Variants in TBC1D2B observed in about 807,000 individuals in gnomAD.
The protein encoded by TBC1D2B is TBC1 domain family, member 2B.
A neutral mutation model predicts 100.8 loss-of-function variants in TBC1D2B; 64 were observed. The observed-to-expected ratio is 0.64, with a 90% confidence interval of 0.52 to 0.78. The LOEUF (loss-of-function observed/expected upper bound fraction) is 0.78. Among genes scored for constraint, TBC1D2B ranks in the 30% least tolerant of loss-of-function variants. TBC1D2B has a pLI of 0.00. For missense variants in TBC1D2B, 1,052 were observed against 1,218.4 expected (o/e 0.86, Z 2.03); for synonymous variants, 480 against 479.7 (o/e 1.00, Z -0.01).
At chr15:78,069,902 G>A (rs2073717988) in intron 1 of TBC1D2B, among the ~76,000 whole-genome samples, 2 of 152,188 alleles carry the variant, frequency 1.3e-5, no homozygotes, top group African/African-American at 4.8e-5. Context: ...GGGCTTCCCA[G>A]CCTCCAGAAC....
At chr15:78,045,312 C>T (rs1166255502) in intron 2 of TBC1D2B, among the ~76,000 whole-genome samples, 1 of 152,184 alleles carries the variant, frequency 6.6e-6, no homozygotes, top group African/African-American at 2.4e-5. Flanking sequence ...CAAGTATTAA[C>T]AGTGTTGGCC....
Position 78,030,120 on chromosome 15 carries a change from C to T in TBC1D2B, c.734G>A (p.Arg245Lys), listed in dbSNP as rs199810541. 2 of 1,613,804 alleles carry T rather than the reference C, an allele frequency of 1.2e-6. No individual in the cohort carries two copies. Among genetic ancestry groups the T allele is most frequent in the Non-Finnish European group, 1.7e-6 (2 of 1,179,758 alleles). ...CTCTTCATTGGTATAAAACACAGTC[C>T]TCCGACTATCATTATGTCCTCTCCC... ...RPGRGHNDSR[R>K]TVFYTNEEWE... The change falls in exon 4 of 13, where the codon AGG becomes AAG. Residue 245 changes from arginine (R) to lysine (K), a missense_variant. Arg to Lys is a conservative substitution (Grantham distance 26). Coordinates refer to ENST00000300584, the MANE Select transcript of TBC1D2B (RefSeq NM_144572.2).
At chr15:78,045,954 G>A (rs1474960117) in intron 2 of TBC1D2B, among the ~76,000 whole-genome samples, 3 of 151,634 alleles carry the variant, frequency 2.0e-5, no homozygotes, top group African/African-American at 7.3e-5. Context: ...CCCCATAGAC[G>A]GAGTTTTGCT....
intron 3 of TBC1D2B, among the ~76,000 whole-genome samples, chr15:78,040,773 GAA>G (rs759367248): frequency 7.8e-6 from 1 of 128,908 alleles, no homozygotes; most frequent in Non-Finnish European, 1.8e-5. Flanking sequence ...GAGGAAGAGA[GAA>G]AGAAAGAAAG....
chr15:78,015,117 C>T (rs917855317), intron 8 of TBC1D2B, among the ~76,000 whole-genome samples: 6 of 152,132 alleles, frequency 3.9e-5, no homozygotes, highest in East Asian at 1.9e-4. Context: ...AGGAGAATGG[C>T]GTGAACCCGG....
chr15:78,007,040 G>T (rs1228678856), intron 10 of TBC1D2B, among the ~76,000 whole-genome samples: 1 of 152,216 alleles, frequency 6.6e-6, no homozygotes, highest in Admixed American at 6.5e-5. Flanking sequence ...CCTTGGGGCG[G>T]GAAGGACCAC....
In TBC1D2B at chr15:78,077,495, T is replaced by G; in HGVS notation, c.158A>C (p.Tyr53Ser). The change falls in exon 1 of 13, where the codon TAC becomes TCC. Residue 53 changes from tyrosine to serine, a missense_variant. Around this residue, in one of 4 missense-constraint regions of TBC1D2B, gnomAD observed 627 missense variants for 646.1 expected, o/e 0.97. Transcript: ENST00000300584. ...KLSGKGPLRGYRSRWFVFDAR... is the reference protein window; with the variant it reads ...KLSGKGPLRGSRSRWFVFDAR... ...GTCGAACACGAACCAGCGGCTGCGG[T>G]AGCCACGCAGGGGGCCCTTGCCCGA... The G allele has an allele frequency of 2.6e-6, 4 of 1,532,872 alleles. No homozygotes were observed. The highest frequency in any genetic ancestry group is 3.5e-6 in the Non-Finnish European group (4 of 1,139,860). 95.0% of individuals were successfully genotyped at this position (1,532,872 alleles called of 1,614,324 possible).
Position 77,997,123 on chromosome 15 carries a change from C to G in TBC1D2B, c.*1037G>C, listed in dbSNP as rs943901005. On this transcript the variant is annotated 3_prime_UTR_variant, in exon 13 of 13. Transcript: ENST00000300584. ...CCCAGCCCCAGGCACTGGCAGCCGG[C>G]CTCCTGCACAACCCAGGCAGGTGGA... The G allele has an allele frequency of 1.3e-5, 2 of 152,624 alleles. No individual in the cohort carries two copies. Among genetic ancestry groups the G allele is most frequent in the African/African-American group, 4.8e-5 (2 of 41,470 alleles). 9.5% of individuals were successfully genotyped at this position (152,624 alleles called of 1,614,324 possible).
intron 2 of TBC1D2B, among the ~76,000 whole-genome samples, chr15:78,046,560 A>G (rs2073199640): frequency 6.6e-6 from 1 of 151,846 alleles, no homozygotes; most frequent in Non-Finnish European, 1.5e-5. Flanking sequence ...TCAACCTCCC[A>G]GGCTCATGCA....
intron 1 of TBC1D2B, among the ~76,000 whole-genome samples, chr15:78,059,118 G>A (rs143615999): frequency 2.0e-4 from 31 of 152,330 alleles, no homozygotes; most frequent in Non-Finnish European, 3.7e-4. Flanking sequence ...AGGTTTCCCT[G>A]ATCTGGGTGT....
chr15:78,071,928 C>A (rs186049262), intron 1 of TBC1D2B, among the ~76,000 whole-genome samples: 1 of 152,150 alleles, frequency 6.6e-6, no homozygotes, highest in Admixed American at 6.5e-5. Context: ...TGGTTCCTGG[C>A]GGGGGCCCTC....
At chr15:78,021,894 C>G (rs1235485199) in intron 6 of TBC1D2B, among the ~76,000 whole-genome samples, 1 of 152,208 alleles carries the variant, frequency 6.6e-6, no homozygotes, top group Non-Finnish European at 1.5e-5. Context: ...ACAGAAGGAG[C>G]TGCATAGTCG....
In TBC1D2B at chr15:78,077,632, C is replaced by G. The variant is rs997385507; in HGVS notation, c.21G>C (p.Arg7=). 6 of 997,146 alleles carry G rather than the reference C, an allele frequency of 6.0e-6. No homozygotes were observed. Among genetic ancestry groups the G allele is most frequent in the African/African-American group, 1.8e-5 (1 of 56,946 alleles). The allele number at this position is 997,146 out of a possible 1,614,324, so 61.8% of individuals were successfully genotyped here. A position where few individuals can be genotyped will look rare whatever the true frequency, so the allele number is the denominator to read the frequency against. The change falls in exon 1 of 13, where the codon CGG becomes CGC. Residue 7 remains arginine (R), a synonymous_variant. Transcript: ENST00000300584. The part of the protein sequence containing the change: MPGAGA[R]AEEGGGGGEG... ...CGCCGCCGCCGCCGCCCTCCTCCGC[C>G]CGGGCTCCGGCCCCCGGCATCGCTA...
chr15:78,042,804 C>T (rs939214984), intron 3 of TBC1D2B, among the ~76,000 whole-genome samples: 2 of 152,224 alleles, frequency 1.3e-5, no homozygotes, highest in Admixed American at 6.5e-5. Context: ...AATGTCGTAT[C>T]GTTGAGAACC....
At chr15:78,068,579 C>T (rs1254798580) in intron 1 of TBC1D2B, among the ~76,000 whole-genome samples, 3 of 152,180 alleles carry the variant, frequency 2.0e-5, no homozygotes, top group Non-Finnish European at 4.4e-5. Context: ...AAAGACTAGA[C>T]CAGGAGCAAA....
chr15:78,009,542 TAA>T (rs79836912), intron 9 of TBC1D2B, among the ~76,000 whole-genome samples: 4 of 142,020 alleles, frequency 2.8e-5, no homozygotes, highest in African/African-American at 2.6e-5. Context: ...CTTGTCTCAT[TAA>T]AAAAAAAAAA....
chr15:77,999,937 C>A (rs2071866704), intron 12 of TBC1D2B, among the ~76,000 whole-genome samples: 2 of 152,208 alleles, frequency 1.3e-5, no homozygotes, highest in Non-Finnish European at 2.9e-5. Context: ...ATGGTTCAAT[C>A]CTGTGTAACT....
chr15:78,037,214 C>G (rs796730805), intron 3 of TBC1D2B, among the ~76,000 whole-genome samples: 68 of 152,274 alleles, frequency 4.5e-4, no homozygotes, highest in African/African-American at 1.6e-3. Context: ...CTTCTATCCT[C>G]ACCCCCTTAG....
At chr15:78,028,402 C>T (rs561512731) in intron 4 of TBC1D2B, among the ~76,000 whole-genome samples, 6 of 152,224 alleles carry the variant, frequency 3.9e-5, no homozygotes, top group African/African-American at 1.2e-4. Context: ...ACCCGGAAGG[C>T]GGAGGTTGCA....
Sources: allele counts gnomAD v4.1 joint callset (sites outside exome capture counted in the v4.1 genomes callset), GRCh38; gene constraint gnomAD v4.1.1; regional missense constraint gnomAD v4.1.1; transcripts MANE v1.5; gene names NCBI Gene and HGNC (gene_info 2026-07-23, HGNC 2026-07-21).